DHX32: variants seen among roughly 807,000 people sequenced by gnomAD.
DHX32 encodes DEAH-box helicase 32 (putative).
A neutral mutation model predicts 70.0 loss-of-function variants in DHX32; 51 were observed. That is an observed-to-expected ratio of 0.73 (90% confidence interval 0.58 to 0.92). DHX32 has a LOEUF of 0.92. Ranked by LOEUF, DHX32 falls within the 40% of genes least tolerant of loss-of-function variation. The pLI is 0.00. For missense variants in DHX32, 762 were observed against 891.8 expected (o/e 0.85, Z 1.85); for synonymous variants, 310 against 315.3 (o/e 0.98, Z 0.18).
chr10:125,837,536 T>C (rs1256743141), intron 10 of DHX32, among the ~76,000 whole-genome samples: 1 of 152,172 alleles, frequency 6.6e-6, no homozygotes, highest in Non-Finnish European at 1.5e-5. Context: ...CAAGCGATCC[T>C]CTGTCGCAGA....
chr10:125,839,186 A>C lies in DHX32; in HGVS notation c.1696T>G (p.Cys566Gly). Residue 566 changes from cysteine to glycine, a missense_variant and splice_region_variant, in exon 9 of 11, where the codon TGT becomes GGT. Coordinates refer to ENST00000284690, the MANE Select transcript of DHX32 (RefSeq NM_018180.3). ...TAATCACGACACCACTTTTCCACAC[A>C]GTCTAGGAGGGAAAGAACACAAGGC... ...DTTLNSSSEYCVEKWCRDYFL... is the reference protein window; with the variant it reads ...DTTLNSSSEYGVEKWCRDYFL... 2 of 1,613,454 alleles carry C rather than the reference A, an allele frequency of 1.2e-6. No individual in the cohort carries two copies. The highest frequency in any genetic ancestry group is 1.7e-6 in the Non-Finnish European group (2 of 1,179,540).
chr10:125,839,077 T>A lies in DHX32; in HGVS notation c.1805A>T (p.Tyr602Phe). Residue 602 changes from tyrosine (Y) to phenylalanine (F), a missense_variant, in exon 9 of 11, where the codon TAT becomes TTT. Physicochemically the swap from Tyr to Phe is conservative, Grantham distance 22 (BLOSUM62 3). This residue lies in a region of DHX32 where 366 missense variants were observed against 402.6 expected (regional missense o/e 0.91). Transcript: ENST00000284690. ...LEIIKRIELP[Y>F]AEPAFGSKEN... Reference sequence around the variant, plus strand: ...CTTGGAGCCAAAAGCAGGTTCTGCATAGGGAAGCTCGATTCGCTTGATAAT... The same window carrying A: ...CTTGGAGCCAAAAGCAGGTTCTGCAAAGGGAAGCTCGATTCGCTTGATAAT... The A allele has an allele frequency of 6.2e-7, 1 of 1,614,194 alleles. No homozygotes were observed. The highest frequency in any genetic ancestry group is 1.1e-5 in the South Asian group (1 of 91,084).
chr10:125,891,420 T>C (rs1331823777), intron 1 of DHX32, among the ~76,000 whole-genome samples: 2 of 152,302 alleles, frequency 1.3e-5, no homozygotes, highest in African/African-American at 4.8e-5. Context: ...TTTTACTTGA[T>C]TTGTTGTCCC....
chr10:125,855,030 C>A (rs1039554616), intron 3 of DHX32, among the ~76,000 whole-genome samples: 3 of 151,932 alleles, frequency 2.0e-5, no homozygotes, highest in Non-Finnish European at 2.9e-5. Context: ...TTGGGACCAT[C>A]CTGGCCAACA....
At chr10:125,868,113 G>C (rs968203678) in intron 1 of DHX32, among the ~76,000 whole-genome samples, 29 of 152,166 alleles carry the variant, frequency 1.9e-4, no homozygotes, top group African/African-American at 6.7e-4. Flanking sequence ...AACCCATCTG[G>C]ATTTGGAGTC....
chr10:125,892,468 C>T (rs1944377107), intron 1 of DHX32, among the ~76,000 whole-genome samples: 1 of 18,062 alleles, frequency 5.5e-5, no homozygotes, highest in South Asian at 2.1e-3. Context: ...TCTGATTTGG[C>T]CCACATTTGC....
At chr10:125,862,267 G>A (rs541006556) in intron 2 of DHX32, among the ~76,000 whole-genome samples, 16 of 152,290 alleles carry the variant, frequency 1.1e-4, no homozygotes, top group Admixed American at 9.2e-4. Flanking sequence ...AGATCAAAGT[G>A]TATGCCCTCT....
intron 2 of DHX32, among the ~76,000 whole-genome samples, chr10:125,864,221 G>A (rs1355555963): frequency 6.6e-6 from 1 of 152,180 alleles, no homozygotes; most frequent in Non-Finnish European, 1.5e-5. Context: ...CGCTGGTTCT[G>A]GGGGCATGTC....
upstream of DHX32, among the ~76,000 whole-genome samples, chr10:125,884,411 ATAAAC>A (rs1295062480): frequency 2.6e-5 from 4 of 152,246 alleles, no homozygotes; most frequent in Non-Finnish European, 5.9e-5. Context: ...TGTTGTAAGT[ATAAAC>A]TACATTCCAC....
At chr10:125,886,666 T>C (rs1944342555) in intron 1 of DHX32, among the ~76,000 whole-genome samples, 1 of 152,312 alleles carries the variant, frequency 6.6e-6, no homozygotes, top group Non-Finnish European at 1.5e-5. Flanking sequence ...GGAATATTTG[T>C]AGAGGCTCCT....
intron 4 of DHX32, chr10:125,853,716 C>T (rs2134046692): frequency 2.2e-6 from 1 of 449,520 alleles, no homozygotes; most frequent in Non-Finnish European, 3.9e-6. Flanking sequence ...GTTGAGTCTT[C>T]CCTCAAAACT....
At chr10:125,843,611 CA>C (rs879669432) in intron 6 of DHX32, among the ~76,000 whole-genome samples, 74 of 132,378 alleles carry the variant, frequency 5.6e-4, no homozygotes, top group Non-Finnish European at 6.5e-4. Flanking sequence ...GACTCCGTCT[CA>C]AAAAAAAAAA....
chr10:125,867,027 G>A lies in DHX32; in HGVS notation c.439C>T (p.Pro147Ser), dbSNP rs777000857. 2 of 1,614,172 alleles carry A rather than the reference G, an allele frequency of 1.2e-6. No individual in the cohort carries two copies. Among genetic ancestry groups the A allele is most frequent in the South Asian group, 2.2e-5 (2 of 91,072 alleles). ...TCGTTGGTACAGCAGTTCTCGAAAGGGATCACGTAGCCAACCTCATGACCA... is the reference window on the plus strand; with the variant it reads ...TCGTTGGTACAGCAGTTCTCGAAAGAGATCACGTAGCCAACCTCATGACCA... The part of the protein sequence containing the change: ...NIGHEVGYVI[P>S]FENCCTNETI... Residue 147 changes from proline to serine, a missense_variant, in exon 2 of 11, where the codon CCT becomes TCT. Coordinates refer to ENST00000284690, the MANE Select transcript of DHX32 (RefSeq NM_018180.3).
chr10:125,861,939 AAG>A (rs549730619), intron 2 of DHX32, among the ~76,000 whole-genome samples: 471 of 152,252 alleles, frequency 3.1e-3, no homozygotes, highest in Non-Finnish European at 5.5e-3. Context: ...AAAAAAAAAA[AAG>A]GAAGTAAACA....
At chr10:125,855,171 G>A (rs1439918002) in intron 3 of DHX32, among the ~76,000 whole-genome samples, 3 of 150,378 alleles carry the variant, frequency 2.0e-5, no homozygotes, top group Admixed American at 1.3e-4. Flanking sequence ...GCAGCGAGCC[G>A]AGATCGTGCC....
upstream of DHX32, among the ~76,000 whole-genome samples, chr10:125,884,502 C>G (rs545026185): frequency 1.3e-5 from 2 of 152,328 alleles, no homozygotes; most frequent in African/African-American, 4.8e-5. Context: ...AGATGGCACA[C>G]TTTGTCAAGG....
chr10:125,869,591 A>AAAAAAT (rs1944244113), intron 1 of DHX32: 1 of 151,492 alleles, frequency 6.6e-6, no homozygotes, highest in Non-Finnish European at 1.5e-5. Flanking sequence ...AAAAAAAAAA[A>AAAAAAT]TTTCTTTAGT....
intron 1 of DHX32, among the ~76,000 whole-genome samples, chr10:125,891,928 G>A (rs1944373453): frequency 6.6e-6 from 1 of 152,186 alleles, no homozygotes; most frequent in Non-Finnish European, 1.5e-5. Flanking sequence ...TATCCCTGGA[G>A]AAAATCATCA....
chr10:125,873,442 C>T (rs1944267295), intron 1 of DHX32, among the ~76,000 whole-genome samples: 1 of 152,126 alleles, frequency 6.6e-6, no homozygotes, highest in Non-Finnish European at 1.5e-5. Context: ...GAGTCCTCTT[C>T]TGCTTTCTTC....
Sources: gnomAD v4.1 joint callset for allele counts (sites outside exome capture counted in the v4.1 genomes callset) on GRCh38, gnomAD v4.1.1 for gene constraint, gnomAD v4.1.1 regional missense constraint, MANE v1.5 for transcripts, NCBI Gene and HGNC (gene_info 2026-07-23, HGNC 2026-07-21) for gene names.